CLEC16A: variants seen among roughly 807,000 people sequenced by gnomAD.
The protein encoded by CLEC16A is protein CLEC16A.
CLEC16A carries 51 observed loss-of-function variants against 109.5 expected under a neutral mutation model. That is an observed-to-expected ratio of 0.47 (90% CI 0.37 to 0.59). The LOEUF is 0.59. Ranked by LOEUF, CLEC16A falls within the 20% of genes least tolerant of loss-of-function variation. The pLI is 0.00. For missense variants in CLEC16A, 1,339 were observed against 1,394.0 expected, an observed-to-expected ratio of 0.96 and a Z score of 0.63; for synonymous variants, 673 against 564.2, an observed-to-expected ratio of 1.19 and a Z score of -2.73.
intron 19 of CLEC16A, among the ~76,000 whole-genome samples, chr16:11,107,345 C>A (rs2051285718): frequency 6.6e-6 from 1 of 152,094 alleles, no homozygotes; most frequent in African/African-American, 2.4e-5. Flanking sequence ...TCACACTTCA[C>A]AACTGCCCCC....
At chr16:11,173,592 C>G (rs570953672) in intron 23 of CLEC16A, among the ~76,000 whole-genome samples, 5 of 152,148 alleles carry the variant, frequency 3.3e-5, no homozygotes, top group African/African-American at 1.2e-4. Flanking sequence ...TCTGAGCTTT[C>G]TCAGGACTCG....
chr16:11,012,510 G>A (rs1398564044), intron 11 of CLEC16A, among the ~76,000 whole-genome samples: 1 of 149,230 alleles, frequency 6.7e-6, no homozygotes, highest in African/African-American at 2.5e-5. Context: ...CAGGAGAATG[G>A]CGTGAACCCG....
intron 19 of CLEC16A, among the ~76,000 whole-genome samples, chr16:11,071,266 C>A (rs1222147694): frequency 1.3e-5 from 2 of 152,126 alleles, no homozygotes; most frequent in Admixed American, 6.5e-5. Context: ...TTGCTGATGA[C>A]CCAGGCATTG....
chr16:11,011,505 A>G (rs1370791552), intron 11 of CLEC16A, among the ~76,000 whole-genome samples: 3 of 152,050 alleles, frequency 2.0e-5, no homozygotes, highest in Non-Finnish European at 4.4e-5. Flanking sequence ...TTGAGCAGTC[A>G]CTTACACTTT....
chr16:11,100,742 C>T (rs138998620), intron 19 of CLEC16A, among the ~76,000 whole-genome samples: 25 of 152,284 alleles, frequency 1.6e-4, no homozygotes, highest in Admixed American at 7.8e-4. Flanking sequence ...GTGTCAGATG[C>T]TTATTAAATA....
intron 3 of CLEC16A, 135 bp downstream of exon 3, chr16:10,962,723 T>A: frequency 1.0e-6 from 1 of 963,926 alleles, no homozygotes; most frequent in Non-Finnish European, 1.6e-6. Flanking sequence ...ACTGAGTGGG[T>A]TAAACAATAG....
chr16:11,082,062 G>A (rs1454182628), intron 19 of CLEC16A, among the ~76,000 whole-genome samples: 1 of 152,118 alleles, frequency 6.6e-6, no homozygotes, highest in African/African-American at 2.4e-5. Context: ...GACTGTGATG[G>A]GAAAACATTC....
chr16:10,987,708 A>G (rs1372240910), intron 10 of CLEC16A, among the ~76,000 whole-genome samples: 1 of 152,212 alleles, frequency 6.6e-6, no homozygotes, highest in Admixed American at 6.5e-5. Flanking sequence ...TTGTTTGATA[A>G]TAGTCCTGGT....
rs568057166 is a variant in CLEC16A, at chr16:10,971,249, T to A, written c.598+19T>A. 1 of 1,557,674 alleles carries A rather than the reference T, an allele frequency of 6.4e-7. No individual in the cohort carries two copies. Among genetic ancestry groups the A allele is most frequent in the Admixed American group, 1.7e-5 (1 of 58,614 alleles). ...TATAAAGGTAAGTGTCCTCATGGGC[T>A]TGTGTCTCGGCTGATTTCTGACTTG... On this transcript the variant is annotated intron_variant, in intron 5 of 23. Transcript: ENST00000409790.
chr16:11,175,144 G>C (rs2068695748), intron 23 of CLEC16A, among the ~76,000 whole-genome samples: 3 of 152,168 alleles, frequency 2.0e-5, no homozygotes, highest in Admixed American at 2.0e-4. Flanking sequence ...CCAAGTTTTT[G>C]CTGGAAGTCA....
chr16:11,152,087 C>G (rs560153854), intron 22 of CLEC16A, among the ~76,000 whole-genome samples: 1 of 152,294 alleles, frequency 6.6e-6, no homozygotes, highest in African/African-American at 2.4e-5. Context: ...ATGCCTAACT[C>G]AGCACAGCAA....
chr16:11,108,529 C>T (rs531339770), intron 19 of CLEC16A, among the ~76,000 whole-genome samples: 2 of 152,380 alleles, frequency 1.3e-5, no homozygotes, highest in African/African-American at 2.4e-5. Context: ...GTAGAGGGGG[C>T]ACCAGGCTGT....
intron 1 of CLEC16A, among the ~76,000 whole-genome samples, chr16:10,945,017 C>T (rs2041278025): frequency 6.6e-6 from 1 of 152,152 alleles, no homozygotes; most frequent in Non-Finnish European, 1.5e-5. Context: ...CGCTTAATTT[C>T]TCAGAGTCTC....
At chr16:10,956,404 G>C (rs59395256) in intron 1 of CLEC16A, among the ~76,000 whole-genome samples, 1 of 152,020 alleles carries the variant, frequency 6.6e-6, no homozygotes, top group Admixed American at 6.6e-5. Context: ...CTATCTAGAC[G>C]TTTCCTTCCT....
At position 10,957,684 on chromosome 16, in the gene CLEC16A, C is replaced by A. The variant is rs887060876; in HGVS notation, c.81-98C>A. On this transcript the variant is annotated intron_variant, in intron 1 of 23. Coordinates refer to ENST00000409790, the MANE Select transcript of CLEC16A (RefSeq NM_015226.3). Reference sequence around the variant, plus strand: ...ATTGCATTACCCAAACCTGAAAAAGCATTGCTGCATTGTCTCCAAAATATT... The same window carrying A: ...ATTGCATTACCCAAACCTGAAAAAGAATTGCTGCATTGTCTCCAAAATATT... 8.9e-6 allele frequency: 11 copies of A among 1,239,380 alleles called. No individual in the cohort carries two copies. In the African/African-American group the frequency reaches 1.0e-4, roughly 12 times the overall value. The allele number at this position is 1,239,380 out of a possible 1,614,324, so 76.8% of individuals were successfully genotyped here.
At chr16:11,074,073 A>G (rs1279749381) in intron 19 of CLEC16A, among the ~76,000 whole-genome samples, 1 of 152,236 alleles carries the variant, frequency 6.6e-6, no homozygotes, top group Non-Finnish European at 1.5e-5. Flanking sequence ...CTAAAAATGT[A>G]GATTGTTTTG....
At chr16:11,013,943 A>G (rs940134253) in intron 11 of CLEC16A, among the ~76,000 whole-genome samples, 2 of 152,030 alleles carry the variant, frequency 1.3e-5, no homozygotes, top group African/African-American at 4.8e-5. Context: ...TGTCTCAAAA[A>G]AAAGAAGAAG....
At chr16:11,078,165 AGCT>A in intron 19 of CLEC16A, among the ~76,000 whole-genome samples, 1 of 149,576 alleles carries the variant, frequency 6.7e-6, no homozygotes, top group East Asian at 2.0e-4. Flanking sequence ...GCCAGGACAG[AGCT>A]GTGACCAAGC....
intron 20 of CLEC16A, among the ~76,000 whole-genome samples, chr16:11,122,168 C>G (rs908265996): frequency 2.6e-5 from 4 of 152,204 alleles, no homozygotes; most frequent in Non-Finnish European, 5.9e-5. Context: ...CTGTGTCCTG[C>G]TCTCTGCGAG....
Sources: gnomAD v4.1 joint callset for allele counts (sites outside exome capture counted in the v4.1 genomes callset) on GRCh38, gnomAD v4.1.1 for gene constraint, MANE v1.5 for transcripts, NCBI Gene and HGNC (gene_info 2026-07-23, HGNC 2026-07-21) for gene names.